The following SPIDR variants were observed in gnomAD, a reference collection of about 807,000 sequenced individuals.
SPIDR encodes the protein scaffold protein involved in DNA repair.
A neutral mutation model predicts 104.6 loss-of-function variants in SPIDR; 93 were observed. The ratio of observed to expected loss-of-function variants is 0.89; its 90% CI spans 0.75 to 1.06. The LOEUF (loss-of-function observed/expected upper bound fraction) is 1.06. SPIDR is among the 50% of genes least tolerant of loss of function. The pLI is 0.00. For missense variants in SPIDR, 1,154 were observed against 1,111.2 expected (o/e 1.04, Z -0.55); for synonymous variants, 431 against 416.9 (o/e 1.03, Z -0.41).
chr8:47,355,271 T>TAAAAAAAAAA (rs34902790), intron 5 of SPIDR, among the ~76,000 whole-genome samples: 13 of 116,550 alleles, frequency 1.1e-4, no homozygotes, highest in African/African-American at 4.3e-4. Flanking sequence ...AGGTTTTTTG[T>TAAAAAAAAAA]AAAAAAAAAA....
chr8:47,629,746 T>C (rs1386718161), intron 10 of SPIDR, among the ~76,000 whole-genome samples: 2 of 152,182 alleles, frequency 1.3e-5, no homozygotes, highest in Non-Finnish European at 2.9e-5. Flanking sequence ...AGAACGATAC[T>C]CTGTCTCAAA....
At position 47,595,807 on chromosome 8, in the gene SPIDR, C is replaced by G. The variant is rs1374207283; in HGVS notation, c.1098-4C>G. On this transcript the variant is annotated splice_region_variant and splice_polypyrimidine_tract_variant and intron_variant, in intron 8 of 19. Transcript: ENST00000297423. ...AAACTGTTGCATGTCTTTCTCTTTTCCAGGCAAAAACTGATTATTCCAAGT... is the reference window on the plus strand; with the variant it reads ...AAACTGTTGCATGTCTTTCTCTTTTGCAGGCAAAAACTGATTATTCCAAGT... 6.2e-7 allele frequency: 1 copy of G among 1,613,182 alleles called. No individual in the cohort carries two copies. The highest frequency in any genetic ancestry group is 1.1e-5 in the South Asian group (1 of 90,924).
chr8:47,435,501 C>T (rs1457094754), intron 7 of SPIDR, among the ~76,000 whole-genome samples: 1 of 152,190 alleles, frequency 6.6e-6, no homozygotes, highest in African/African-American at 2.4e-5. Flanking sequence ...ATCTGCTAGG[C>T]ATATGCATGG....
At chr8:47,299,358 A>G (rs1344659220) in intron 5 of SPIDR, among the ~76,000 whole-genome samples, 1 of 152,154 alleles carries the variant, frequency 6.6e-6, no homozygotes, top group Admixed American at 6.6e-5. Flanking sequence ...GGGCTGAGGC[A>G]ATGGGGTTTT....
intron 11 of SPIDR, among the ~76,000 whole-genome samples, chr8:47,682,459 T>A (rs776314069): frequency 7.9e-5 from 12 of 152,178 alleles, no homozygotes; most frequent in Non-Finnish European, 1.6e-4. Context: ...AGAGGTAGTG[T>A]GTGCACAACA....
At chr8:47,434,361 G>A (rs974025573) in intron 7 of SPIDR, among the ~76,000 whole-genome samples, 6 of 152,192 alleles carry the variant, frequency 3.9e-5, no homozygotes, top group African/African-American at 1.2e-4. Flanking sequence ...GAAAAGGAAC[G>A]GTGGACACTT....
intron 8 of SPIDR, among the ~76,000 whole-genome samples, chr8:47,483,692 G>GA (rs1178267152): frequency 6.6e-6 from 1 of 152,186 alleles, no homozygotes; most frequent in Non-Finnish European, 1.5e-5. Context: ...TTTCTAGGGA[G>GA]AAGATCCCTT....
chr8:47,439,713 A>G (rs2154343109), intron 7 of SPIDR, among the ~76,000 whole-genome samples: 1 of 152,296 alleles, frequency 6.6e-6, no homozygotes, highest in South Asian at 2.1e-4. Flanking sequence ...CATTTTACAC[A>G]TAAGACAATT....
chr8:47,288,643 T>C (rs1203144935), intron 3 of SPIDR, among the ~76,000 whole-genome samples: 2 of 152,244 alleles, frequency 1.3e-5, no homozygotes, highest in African/African-American at 4.8e-5. Flanking sequence ...TGATAATGTC[T>C]TTTGCAAGTA....
At chr8:47,704,846 C>T (rs746175287) in intron 14 of SPIDR, among the ~76,000 whole-genome samples, 6 of 152,122 alleles carry the variant, frequency 3.9e-5, no homozygotes, top group African/African-American at 9.7e-5. Flanking sequence ...CCAGCAAGGA[C>T]GAGGCAGGGC....
chr8:47,301,148 A>G (rs968104984), intron 5 of SPIDR, among the ~76,000 whole-genome samples: 2 of 152,150 alleles, frequency 1.3e-5, no homozygotes, highest in Admixed American at 6.6e-5. Context: ...GGGTGCATAT[A>G]TATTTAGGAT....
At chr8:47,617,193 T>G (rs1011360463) in intron 10 of SPIDR, among the ~76,000 whole-genome samples, 1 of 152,240 alleles carries the variant, frequency 6.6e-6, no homozygotes, top group African/African-American at 2.4e-5. Context: ...CAATCATGAT[T>G]TGTCTGGTGT....
At chr8:47,627,403 A>T (rs538650626) in intron 10 of SPIDR, among the ~76,000 whole-genome samples, 109 of 151,740 alleles carry the variant, frequency 7.2e-4, no homozygotes, top group African/African-American at 1.5e-3. Context: ...ATAAAAATTT[A>T]AAAAAAAAGA....
At chr8:47,359,402 C>G (rs559501783) in intron 5 of SPIDR, among the ~76,000 whole-genome samples, 28 of 152,138 alleles carry the variant, frequency 1.8e-4, no homozygotes, top group African/African-American at 6.7e-4. Flanking sequence ...TTTAGGAGTC[C>G]TGGGTCCCCT....
At chr8:47,476,189 T>A (rs2076270615) in intron 8 of SPIDR, among the ~76,000 whole-genome samples, 1 of 152,164 alleles carries the variant, frequency 6.6e-6, no homozygotes, top group Non-Finnish European at 1.5e-5. Flanking sequence ...AGGCATTGCT[T>A]GACGGATGGT....
chr8:47,573,862 T>A (rs528237584), intron 8 of SPIDR, among the ~76,000 whole-genome samples: 1 of 152,380 alleles, frequency 6.6e-6, no homozygotes, highest in East Asian at 1.9e-4. Flanking sequence ...GGTTGCTATG[T>A]GACATTCTGA....
intron 8 of SPIDR, among the ~76,000 whole-genome samples, chr8:47,498,612 G>GCTGATATATACTGCTGTA (rs1564146521): frequency 8.6e-5 from 13 of 151,966 alleles, no homozygotes; most frequent in African/African-American, 2.4e-4. Flanking sequence ...GTTACTGCTG[G>GCTGATATATACTGCTGTA]TATATCCTAG....
intron 8 of SPIDR, among the ~76,000 whole-genome samples, chr8:47,479,704 G>A (rs1278422338): frequency 6.6e-6 from 1 of 152,194 alleles, no homozygotes; most frequent in Non-Finnish European, 1.5e-5. Flanking sequence ...GGAAGGGAGG[G>A]GCTCAGGGCA....
intron 8 of SPIDR, among the ~76,000 whole-genome samples, chr8:47,493,016 GGA>G (rs35531714): frequency 0.74 from 104,052 of 140,128 alleles, 38,878 homozygotes; most frequent in African/African-American, 0.8. Flanking sequence ...TTGAGCCATT[GGA>G]GAGAGAGAGA....
Sources: allele counts gnomAD v4.1 joint callset (sites outside exome capture counted in the v4.1 genomes callset), GRCh38; gene constraint gnomAD v4.1.1; transcripts MANE v1.5; gene names NCBI Gene and HGNC (gene_info 2026-07-23, HGNC 2026-07-21).